COL27A1: variants seen among roughly 807,000 people sequenced by gnomAD.
COL27A1 encodes collagen alpha-1(XXVII) chain.
COL27A1 carries 106 observed loss-of-function variants against 251.3 expected under a neutral mutation model. The ratio of observed to expected loss-of-function variants is 0.42; its 90% CI spans 0.36 to 0.50. COL27A1 has a LOEUF of 0.50. Ranked by LOEUF, COL27A1 falls within the 20% of genes least tolerant of loss-of-function variation. The pLI, the probability that COL27A1 is intolerant of heterozygous loss-of-function variation, is 0.00. For synonymous variants in COL27A1, 1,000 were observed against 986.3 expected, an observed-to-expected ratio of 1.01 and a Z score of -0.26; for missense variants, 2,325 against 2,522.8, an observed-to-expected ratio of 0.92 and a Z score of 1.68.
At chr9:114,276,787 A>T (rs1324179495) in intron 37 of COL27A1, among the ~76,000 whole-genome samples, 1 of 152,226 alleles carries the variant, frequency 6.6e-6, no homozygotes, top group Non-Finnish European at 1.5e-5. Flanking sequence ...GAGATTGAAG[A>T]GGTAAATCAG....
chr9:114,235,633 C>T lies in COL27A1; in HGVS notation c.2600C>T (p.Pro867Leu), dbSNP rs775112782. ...GGGGTTCCAGGTGTGTCAGGAGATC[C>T]CGGATTCCAAGGAGACAAGGTAATT... ...EQGVPGVSGD[P>L]GFQGDKGSQG... is the part of the protein sequence containing the mutation. Residue 867 changes from proline (P) to leucine (L), a missense_variant, in exon 17 of 61, where the codon CCC becomes CTC. This residue lies in a region of COL27A1 where 662 missense variants were observed against 795.3 expected (regional missense o/e 0.83). Coordinates refer to ENST00000356083, the MANE Select transcript of COL27A1 (RefSeq NM_032888.4). 18 of 1,613,632 alleles carry T rather than the reference C, an allele frequency of 1.1e-5. No individual in the cohort carries two copies. The highest frequency in any genetic ancestry group is 3.3e-5 in the Admixed American group (2 of 59,992).
intron 27 of COL27A1, among the ~76,000 whole-genome samples, chr9:114,253,743 G>T (rs1026076630): frequency 6.6e-6 from 1 of 152,222 alleles, no homozygotes; most frequent in Non-Finnish European, 1.5e-5. Flanking sequence ...GATCGTGTGG[G>T]TTAAATGGAA....
At chr9:114,218,490 T>C (rs1830860059) in intron 12 of COL27A1, 1 of 152,172 alleles carries the variant, frequency 6.6e-6, no homozygotes, top group Non-Finnish European at 1.5e-5. Flanking sequence ...CCTAACCGAG[T>C]CTCAATTTTC....
chr9:114,280,197 T>C (rs974995401), intron 37 of COL27A1, among the ~76,000 whole-genome samples: 1 of 150,966 alleles, frequency 6.6e-6, no homozygotes, highest in Non-Finnish European at 1.5e-5. Flanking sequence ...TAATTGGGTG[T>C]GTCAACTTTT....
At chr9:114,250,763 T>C (rs534640185) in intron 25 of COL27A1, 95 bp downstream of exon 25, 5 of 1,054,770 alleles carry the variant, frequency 4.7e-6, no homozygotes, top group Non-Finnish European at 4.4e-6. Flanking sequence ...GATTTCAGAA[T>C]ACCCTCCCCT....
At chr9:114,257,060 A>G (rs1408494634) in intron 27 of COL27A1, among the ~76,000 whole-genome samples, 1 of 152,074 alleles carries the variant, frequency 6.6e-6, no homozygotes, top group Non-Finnish European at 1.5e-5. Flanking sequence ...CCAGCCCCTC[A>G]CATCAGCCCC....
At chr9:114,270,094 C>T (rs1373538346) in intron 35 of COL27A1, among the ~76,000 whole-genome samples, 2 of 152,218 alleles carry the variant, frequency 1.3e-5, no homozygotes, top group Non-Finnish European at 2.9e-5. Context: ...TCCCTTTCCT[C>T]ATCTGAGAAG....
At chr9:114,306,765 G>A (rs1372319994) in intron 58 of COL27A1, 77 bp downstream of exon 58, 22 of 1,522,934 alleles carry the variant, frequency 1.4e-5, no homozygotes, top group African/African-American at 2.8e-5. Flanking sequence ...GATTTCCGCC[G>A]CATTTTGGCT....
chr9:114,308,923 G>A lies in COL27A1; in HGVS notation c.5218-337G>A, dbSNP rs369973847. On this transcript the variant is annotated intron_variant, in intron 59 of 60. Transcript: ENST00000356083. Reference sequence around the variant, plus strand: ...TGCATTCCATGAGCCTCTTAGTCTTGGGCAAAACCCTCTCCCTCGCTGAGC... The same window carrying A: ...TGCATTCCATGAGCCTCTTAGTCTTAGGCAAAACCCTCTCCCTCGCTGAGC... Among the ~76,000 whole-genome samples the A allele has an allele frequency of 2.6e-4, 39 of 152,174 alleles. No individual in the cohort carries two copies. In the East Asian group the frequency reaches 3.5e-3, roughly 14 times the overall value.
At chr9:114,306,710 G>T (rs760482201) in intron 58 of COL27A1, 22 bp downstream of exon 58, 4 of 1,607,456 alleles carry the variant, frequency 2.5e-6, no homozygotes, top group African/African-American at 1.3e-5. Flanking sequence ...TCCTGCCGGG[G>T]GTGGGTGCGC....
chr9:114,264,846 C>A (rs764269265), intron 29 of COL27A1, 78 bp from the exon 30 acceptor site: 17 of 1,471,878 alleles, frequency 1.2e-5, no homozygotes, highest in Non-Finnish European at 1.6e-5. Context: ...CTTTTATCTC[C>A]CATGTGGAGG....
At chr9:114,289,992 T>C (rs751463929) in intron 45 of COL27A1, 66 bp from the exon 46 acceptor site, 140 of 1,561,136 alleles carry the variant, frequency 9.0e-5, no homozygotes, top group Non-Finnish European at 1.2e-4. Context: ...AGTCCCTCCT[T>C]CCAGAGCCCC....
At chr9:114,297,481 G>T (rs1828332430) in intron 49 of COL27A1, among the ~76,000 whole-genome samples, 1 of 152,166 alleles carries the variant, frequency 6.6e-6, no homozygotes, top group African/African-American at 2.4e-5. Context: ...TCTACACCAT[G>T]ACAAAGTGAG....
intron 13 of COL27A1, among the ~76,000 whole-genome samples, chr9:114,220,235 A>G (rs1262732172): frequency 1.3e-5 from 2 of 152,154 alleles, no homozygotes; most frequent in Admixed American, 1.3e-4. Flanking sequence ...CCGTGTTTGG[A>G]GAAAAGGAAG....
intron 19 of COL27A1, among the ~76,000 whole-genome samples, chr9:114,239,355 A>G (rs1310425375): frequency 6.6e-6 from 1 of 152,228 alleles, no homozygotes; most frequent in Non-Finnish European, 1.5e-5. Context: ...AGCACTTGCA[A>G]CTTTGCTGGT....
chr9:114,234,664 A>C (rs536596486), intron 16 of COL27A1, among the ~76,000 whole-genome samples: 1 of 152,214 alleles, frequency 6.6e-6, no homozygotes, highest in African/African-American at 2.4e-5. Flanking sequence ...TGTGCAGTAC[A>C]TCGTGTTAGA....
intron 42 of COL27A1, 89 bp from the exon 43 acceptor site, chr9:114,288,613 A>G: frequency 2.6e-6 from 4 of 1,544,176 alleles, no homozygotes; most frequent in South Asian, 1.2e-5. Flanking sequence ...GGTCCCTGAG[A>G]GCTCCGCAGA....
At chr9:114,209,454 G>A in intron 10 of COL27A1, 1 of 772,674 alleles carries the variant, frequency 1.3e-6, no homozygotes, top group South Asian at 1.4e-5. Flanking sequence ...GAGGGTATGT[G>A]CCTTTGGACT....
At chr9:114,295,984 C>T (rs571438976) in intron 49 of COL27A1, among the ~76,000 whole-genome samples, 2 of 152,318 alleles carry the variant, frequency 1.3e-5, no homozygotes, top group East Asian at 1.9e-4. Context: ...AAAGACGATT[C>T]AGCAAATACA....
Sources: allele counts gnomAD v4.1 joint callset (sites outside exome capture counted in the v4.1 genomes callset), GRCh38; gene constraint gnomAD v4.1.1; regional missense constraint gnomAD v4.1.1; transcripts MANE v1.5; gene names NCBI Gene and HGNC (gene_info 2026-07-23, HGNC 2026-07-21).